ATP8B4: variants seen among roughly 807,000 people sequenced by gnomAD.
ATP8B4 encodes probable phospholipid-transporting ATPase IM.
Under a neutral mutation model 145.6 loss-of-function variants are expected in ATP8B4, and 133 were observed. That is an observed-to-expected ratio of 0.91 (90% confidence interval 0.79 to 1.05). The LOEUF (loss-of-function observed/expected upper bound fraction) is 1.05. Ranked by LOEUF, ATP8B4 falls within the 50% of genes least tolerant of loss-of-function variation. ATP8B4 has a pLI of 0.00. For missense variants in ATP8B4, 1,458 were observed against 1,425.2 expected, an observed-to-expected ratio of 1.02 and a Z score of -0.37; for synonymous variants, 507 against 492.9, an observed-to-expected ratio of 1.03 and a Z score of -0.38.
chr15:50,042,997 CA>C (rs1353710042), intron 5 of ATP8B4, among the ~76,000 whole-genome samples: 2 of 152,112 alleles, frequency 1.3e-5, no homozygotes, highest in East Asian at 1.9e-4. Context: ...AATTGAAAGG[CA>C]GAGATTTTCA....
In ATP8B4 at chr15:49,864,149, C is replaced by T. The variant is rs970329561; in HGVS notation, c.3167-1774G>A. Among the ~76,000 whole-genome samples, 4 of 152,296 alleles carry T rather than the reference C, an allele frequency of 2.6e-5. No homozygotes were observed. In the South Asian group the frequency reaches 8.3e-4, roughly 32 times the overall value. On this transcript the variant is annotated intron_variant, in intron 26 of 27. Coordinates refer to ENST00000284509, the MANE Select transcript of ATP8B4 (RefSeq NM_024837.4). ...ATAGTTGGAATCTTTTGGTAAACAACGTATTACCAGTACATATTAAGTAAG... is the reference window on the plus strand; with the variant it reads ...ATAGTTGGAATCTTTTGGTAAACAATGTATTACCAGTACATATTAAGTAAG...
intron 1 of ATP8B4, among the ~76,000 whole-genome samples, chr15:50,153,452 C>T (rs1326987509): frequency 5.9e-5 from 9 of 151,972 alleles, no homozygotes; most frequent in Admixed American, 5.9e-4. Context: ...GATTCTCCTG[C>T]CTCCATCTCC....
intron 14 of ATP8B4, among the ~76,000 whole-genome samples, chr15:49,950,611 C>CAAAAAA (rs1316878072): frequency 4.5e-4 from 48 of 107,156 alleles, no homozygotes; most frequent in Non-Finnish European, 6.5e-4. Flanking sequence ...AACAAACAAA[C>CAAAAAA]AAACAAACAA....
At chr15:50,050,228 C>G (rs576824974) in intron 3 of ATP8B4, among the ~76,000 whole-genome samples, 4 of 152,346 alleles carry the variant, frequency 2.6e-5, no homozygotes, top group Admixed American at 2.0e-4. Context: ...CCAAACACAA[C>G]TGCAGATCTA....
upstream of ATP8B4, among the ~76,000 whole-genome samples, chr15:50,120,334 G>A (rs894232012): frequency 2.0e-5 from 3 of 152,008 alleles, no homozygotes; most frequent in African/African-American, 7.3e-5. Context: ...TGATAAAAGA[G>A]GACCAAGAAC....
chr15:49,928,427 A>G (rs1196756576), intron 16 of ATP8B4, among the ~76,000 whole-genome samples: 1 of 152,062 alleles, frequency 6.6e-6, no homozygotes, highest in Non-Finnish European at 1.5e-5. Context: ...AGGGATGGTG[A>G]GGTCTAGTTG....
intron 20 of ATP8B4, among the ~76,000 whole-genome samples, chr15:49,913,720 C>A (rs2039464290): frequency 6.6e-6 from 1 of 152,018 alleles, no homozygotes; most frequent in Non-Finnish European, 1.5e-5. Flanking sequence ...TTTCTATACA[C>A]CAATAATGAA....
intron 2 of ATP8B4, among the ~76,000 whole-genome samples, chr15:50,099,401 C>A (rs1029816442): frequency 3.9e-5 from 6 of 152,038 alleles, no homozygotes; most frequent in Admixed American, 3.3e-4. Context: ...CACCTCAGTC[C>A]CCCAAGGAGC....
chr15:50,118,850 T>C (rs2153677270), intron 1 of ATP8B4, among the ~76,000 whole-genome samples: 1 of 152,312 alleles, frequency 6.6e-6, no homozygotes, highest in Non-Finnish European at 1.5e-5. Flanking sequence ...GCTACTATCA[T>C]TGGTCATTTA....
At chr15:50,074,493 A>G (rs2054052826) in intron 2 of ATP8B4, among the ~76,000 whole-genome samples, 1 of 152,212 alleles carries the variant, frequency 6.6e-6, no homozygotes, top group Admixed American at 6.5e-5. Flanking sequence ...GTGGTTCCTA[A>G]GAGAAGGAGC....
Position 49,935,692 on chromosome 15 carries a change from C to T in ATP8B4, c.1288-1510G>A, listed in dbSNP as rs140191389. ...CTCAAACTTCAGAAGGTACATCAAA[C>T]GGTTATCCCAAAAACTGTAAATTAT... is the stretch of plus-strand genomic sequence containing the variant. On this transcript the variant is annotated intron_variant, in intron 14 of 27. Coordinates refer to ENST00000284509, the MANE Select transcript of ATP8B4 (RefSeq NM_024837.4). 4.8e-3 allele frequency among the ~76,000 whole-genome samples: 735 copies of T among 152,130 alleles called. 8 individuals carry two copies. The highest frequency in any genetic ancestry group is 0.017 in the African/African-American group (701 of 41,510).
intron 1 of ATP8B4, among the ~76,000 whole-genome samples, chr15:50,149,865 C>T (rs1257633635): frequency 2.0e-5 from 3 of 152,142 alleles, no homozygotes; most frequent in African/African-American, 7.2e-5. Context: ...CTTTCAGAGG[C>T]CAAGGTAGGC....
intron 12 of ATP8B4, among the ~76,000 whole-genome samples, chr15:49,977,391 T>C (rs1013434836): frequency 6.6e-6 from 1 of 152,040 alleles, no homozygotes; most frequent in Non-Finnish European, 1.5e-5. Context: ...TCAATATGCC[T>C]AACAACAAGG....
At chr15:50,074,603 G>A (rs919410183) in intron 2 of ATP8B4, among the ~76,000 whole-genome samples, 2 of 152,148 alleles carry the variant, frequency 1.3e-5, no homozygotes, top group African/African-American at 4.8e-5. Flanking sequence ...TACAGAACTG[G>A]CCAGTGAGGT....
intron 3 of ATP8B4, among the ~76,000 whole-genome samples, chr15:50,050,789 T>A (rs1240921907): frequency 2.6e-5 from 4 of 152,178 alleles, no homozygotes; most frequent in East Asian, 1.9e-4. Flanking sequence ...TGTAAAGCCA[T>A]GTAACTATAT....
intron 25 of ATP8B4, among the ~76,000 whole-genome samples, chr15:49,875,659 C>T (rs1188958260): frequency 6.6e-6 from 1 of 152,122 alleles, no homozygotes; most frequent in Non-Finnish European, 1.5e-5. Context: ...ATAGCAAGGC[C>T]TCCTCTCAAG....
In ATP8B4 at chr15:49,876,382, C is replaced by A; in HGVS notation, c.2923G>T (p.Gly975Trp). 1 of 1,614,096 alleles carries A rather than the reference C, an allele frequency of 6.2e-7. No individual in the cohort carries two copies. Among genetic ancestry groups the A allele is most frequent in the Non-Finnish European group, 8.5e-7 (1 of 1,179,990 alleles). ...TCTCCAGCCACGTTGTAAAAGGCCC[C>A]ATAGGGGATGAAGAAAAGGACTAAT... ...TSLVLFFIPY[G>W]AFYNVAGEDG... is the part of the protein sequence containing the mutation. Residue 975 changes from glycine (G) to tryptophan (W), a missense_variant, in exon 25 of 28, where the codon GGG becomes TGG. Transcript: ENST00000284509.
chr15:50,090,160 A>G (rs1276186044), intron 2 of ATP8B4, among the ~76,000 whole-genome samples: 1 of 152,152 alleles, frequency 6.6e-6, no homozygotes, highest in Non-Finnish European at 1.5e-5. Flanking sequence ...GGAGCTGAAC[A>G]GTGAGAACAC....
intron 9 of ATP8B4, among the ~76,000 whole-genome samples, chr15:49,992,009 G>C (rs1320237605): frequency 6.6e-6 from 1 of 152,054 alleles, no homozygotes; most frequent in African/African-American, 2.4e-5. Flanking sequence ...GTGTCCTTTT[G>C]TGTCCTTTGT....
Sources: allele counts gnomAD v4.1 joint callset (sites outside exome capture counted in the v4.1 genomes callset), GRCh38; gene constraint gnomAD v4.1.1; transcripts MANE v1.5; gene names NCBI Gene and HGNC (gene_info 2026-07-23, HGNC 2026-07-21).